The following SPICE1 variants were observed in gnomAD, a reference collection of about 807,000 sequenced individuals.
The protein encoded by SPICE1 is spindle and centriole associated protein 1.
SPICE1 carries 75 observed loss-of-function variants against 102.7 expected under a neutral mutation model. The ratio of observed to expected loss-of-function variants is 0.73; its 90% CI spans 0.61 to 0.88. The LOEUF (loss-of-function observed/expected upper bound fraction) is 0.88. Ranked by LOEUF, SPICE1 falls within the 40% of genes least tolerant of loss-of-function variation. The pLI is 0.00. For synonymous variants in SPICE1, 308 were observed against 350.3 expected (o/e 0.88, Z 1.35); for missense variants, 979 against 1,020.1 (o/e 0.96, Z 0.55).
At chr3:113,471,229 C>T (rs1323243454) in intron 7 of SPICE1, among the ~76,000 whole-genome samples, 1 of 152,138 alleles carries the variant, frequency 6.6e-6, no homozygotes, top group Admixed American at 6.5e-5. Context: ...GGGGAAGCCT[C>T]TTCAGATACA....
chr3:113,480,639 C>A (rs868527313), intron 7 of SPICE1, among the ~76,000 whole-genome samples: 1 of 151,908 alleles, frequency 6.6e-6, no homozygotes, highest in African/African-American at 2.4e-5. Context: ...TTGAAAAAGT[C>A]TGATAAAATT....
intron 7 of SPICE1, among the ~76,000 whole-genome samples, chr3:113,477,228 A>C (rs1232371580): frequency 6.6e-6 from 1 of 152,154 alleles, no homozygotes; most frequent in Non-Finnish European, 1.5e-5. Flanking sequence ...AATCAAAACC[A>C]CAATGAGATA....
intron 7 of SPICE1, among the ~76,000 whole-genome samples, chr3:113,485,177 T>TTG (rs1491275137): frequency 1.6e-5 from 2 of 125,468 alleles, no homozygotes; most frequent in East Asian, 2.3e-4. Flanking sequence ...GTTTTGTTTG[T>TTG]TTTTTTTTTT....
intron 7 of SPICE1, among the ~76,000 whole-genome samples, chr3:113,475,203 C>T (rs900745644): frequency 6.6e-6 from 1 of 152,046 alleles, no homozygotes; most frequent in Non-Finnish European, 1.5e-5. Flanking sequence ...ATAAATTCCT[C>T]GACACATACA....
At chr3:113,469,594 T>C (rs1361556709) in intron 7 of SPICE1, among the ~76,000 whole-genome samples, 3 of 149,924 alleles carry the variant, frequency 2.0e-5, no homozygotes, top group African/African-American at 7.3e-5. Flanking sequence ...ATAGGTGCTA[T>C]CATTTAAACT....
chr3:113,503,206 C>A lies in SPICE1; in HGVS notation c.121G>T (p.Val41Phe), dbSNP rs370218616. ...AGATCTTCGGGAGTTGCCCGATGAA[C>A]GGTTAGATCAGTCACGGTATTCTGT... ...EWDNTVTDLTVHRATPEDLVR... is the reference protein window; with the variant it reads ...EWDNTVTDLTFHRATPEDLVR... The change falls in exon 3 of 18, where the codon GTT becomes TTT. Residue 41 changes from valine to phenylalanine, a missense_variant. Physicochemically the swap from Val to Phe is conservative, Grantham distance 50. Transcript: ENST00000295872. 1 of 1,599,334 alleles carries A rather than the reference C, an allele frequency of 6.3e-7. No homozygotes were observed. The highest frequency in any genetic ancestry group is 1.1e-5 in the South Asian group (1 of 88,022).
intron 13 of SPICE1, 64 bp from the exon 14 acceptor site, chr3:113,454,014 A>C: frequency 1.7e-4 from 241 of 1,381,148 alleles, no homozygotes; most frequent in Non-Finnish European, 2.2e-4. Context: ...CACTATACTC[A>C]TTTCATTAGC....
At chr3:113,473,303 C>T (rs1001948728) in intron 7 of SPICE1, among the ~76,000 whole-genome samples, 16 of 152,048 alleles carry the variant, frequency 1.1e-4, no homozygotes, top group Non-Finnish European at 2.9e-5. Flanking sequence ...ACCAAATCTA[C>T]GTCTGATTGG....
intron 7 of SPICE1, among the ~76,000 whole-genome samples, chr3:113,479,455 T>C (rs1031048727): frequency 9.9e-5 from 15 of 152,052 alleles, no homozygotes; most frequent in African/African-American, 3.6e-4. Context: ...TGTGTCTTTA[T>C]AGCAGCATGA....
intron 7 of SPICE1, 107 bp from the exon 8 acceptor site, chr3:113,469,345 ATAT>A (rs200639011): frequency 0.025 from 6,554 of 262,250 alleles, 452 homozygotes; most frequent in African/African-American, 0.15. Context: ...TACATTATCT[ATAT>A]TATTATAATT....
chr3:113,468,177 C>G lies in SPICE1; in HGVS notation c.1117G>C (p.Val373Leu). 1.2e-6 allele frequency: 2 copies of G among 1,614,166 alleles called. No individual in the cohort carries two copies. Among genetic ancestry groups the G allele is most frequent in the Non-Finnish European group, 1.7e-6 (2 of 1,180,036 alleles). Reference protein sequence around the residue: ...QGLTGFTLSLVSSLCRLVRYL... With the variant: ...QGLTGFTLSLLSSLCRLVRYL... ...CGAACCAGGCGACAGAGGGAGCTCA[C>G]CAGCGACAAAGTGAAGCCTGTAAGA... The change falls in exon 10 of 18, where the codon GTG becomes CTG. Residue 373 changes from valine (V) to leucine (L), a missense_variant. Val to Leu is a conservative substitution (Grantham distance 32). Transcript: ENST00000295872.
chr3:113,467,964 G>T (rs1162952515), intron 10 of SPICE1, among the ~76,000 whole-genome samples, 175 bp downstream of exon 10: 1 of 151,932 alleles, frequency 6.6e-6, no homozygotes, highest in African/African-American at 2.4e-5. Context: ...ATCAACTAAC[G>T]GCAGAAAAGA....
intron 3 of SPICE1, among the ~76,000 whole-genome samples, chr3:113,500,516 GA>G (rs374212707): frequency 0.012 from 1,662 of 144,298 alleles, 26 homozygotes; most frequent in African/African-American, 0.036. Context: ...TGGTTATGTT[GA>G]AAAAAAAAAG....
chr3:113,490,197 C>A (rs1011966668), intron 6 of SPICE1, among the ~76,000 whole-genome samples: 2 of 152,138 alleles, frequency 1.3e-5, no homozygotes, highest in African/African-American at 4.8e-5. Context: ...CTATATCAAC[C>A]TTTTCTCCCC....
rs565695224 is a variant in SPICE1 at position 113,482,357 on chromosome 3, T to C, written c.611+6588A>G. Among the ~76,000 whole-genome samples the C allele has an allele frequency of 7.9e-5, 12 of 152,352 alleles. No homozygotes were observed. In the South Asian group the frequency reaches 2.3e-3, roughly 29 times the overall value. ...CAAAAATTTTCTCCCATTCTGTAGA[T>C]TACCTGTTCACCATGATCACAGTTT... On this transcript the variant is annotated intron_variant, in intron 7 of 17. Transcript: ENST00000295872.
chr3:113,468,429 T>C (rs767466702), intron 9 of SPICE1, 25 bp from the exon 10 acceptor site: 2 of 1,595,796 alleles, frequency 1.3e-6, no homozygotes, highest in Non-Finnish European at 1.7e-6. Context: ...AGTCATTCTA[T>C]TTTAAGACCA....
chr3:113,460,838 A>C (rs1451250080), intron 11 of SPICE1, 74 bp from the exon 12 acceptor site: 1 of 1,375,114 alleles, frequency 7.3e-7, no homozygotes, highest in African/African-American at 1.4e-5. Context: ...AGCAAACCAC[A>C]CAAAGGATAC....
At chr3:113,460,134 A>G (rs886353980) in intron 12 of SPICE1, 1 of 985,358 alleles carries the variant, frequency 1.0e-6, no homozygotes, top group African/African-American at 1.7e-5. Flanking sequence ...AGATGAAGGA[A>G]GAATTTCAAA....
intron 7 of SPICE1, among the ~76,000 whole-genome samples, chr3:113,481,415 G>C (rs1205887916): frequency 6.8e-6 from 1 of 146,868 alleles, no homozygotes; most frequent in Admixed American, 6.8e-5. Flanking sequence ...TTTTTTTCTA[G>C]TTTTTTTTTT....
Sources: gnomAD v4.1 joint callset for allele counts (sites outside exome capture counted in the v4.1 genomes callset) on GRCh38, gnomAD v4.1.1 for gene constraint, MANE v1.5 for transcripts, NCBI Gene and HGNC (gene_info 2026-07-23, HGNC 2026-07-21) for gene names.